The following ANKFN1 variants were observed in gnomAD, a reference collection of about 807,000 sequenced individuals.
The protein encoded by ANKFN1 is ankyrin repeat and fibronectin type-III domain-containing protein 1.
Under a neutral mutation model 108.7 loss-of-function variants are expected in ANKFN1, and 74 were observed. The observed-to-expected ratio is 0.68, with a 90% CI of 0.56 to 0.83. The LOEUF (loss-of-function observed/expected upper bound fraction) is 0.83, where lower values mean the gene tolerates loss of function less well. Among genes scored for constraint, ANKFN1 ranks in the 40% least tolerant of loss-of-function variants. The pLI is 0.00. For missense variants in ANKFN1, 1,505 were observed against 1,382.3 expected (o/e 1.09, Z -1.41); for synonymous variants, 547 against 516.2 (o/e 1.06, Z -0.81).
At chr17:56,148,814 C>T (rs1007884806), upstream of ANKFN1, among the ~76,000 whole-genome samples, 3 of 152,242 alleles carry the variant, frequency 2.0e-5, no homozygotes, top group Middle Eastern at 6.8e-3. Context: ...ATGCAAACAC[C>T]CTCTTATTTT....
intron 3 of ANKFN1, among the ~76,000 whole-genome samples, chr17:56,256,318 A>G (rs1169432195): frequency 2.0e-5 from 3 of 152,336 alleles, no homozygotes; most frequent in Middle Eastern, 3.4e-3. Flanking sequence ...AATAAGAACA[A>G]TGTAATATTT....
intron 3 of ANKFN1, among the ~76,000 whole-genome samples, chr17:56,263,383 G>T (rs948476671): frequency 6.6e-6 from 1 of 152,154 alleles, no homozygotes. Context: ...TGAAACTGGG[G>T]TTTAATGTAT....
rs1483468260 is a variant in ANKFN1 at position 56,051,597 on chromosome 17, G to T, written c.288+5272G>T. ...AATTAGGCAGGAGAAGGAAATAAAG[G>T]GTATTCAATTAGGAAAAGAGGAAGT... On this transcript the variant is annotated intron_variant, in intron 4 of 12. Coordinates refer to the ANKFN1 transcript ENST00000635860. 6.3e-5 allele frequency among the ~76,000 whole-genome samples: 9 copies of T among 141,736 alleles called. No individual in the cohort carries two copies. In the East Asian group the frequency reaches 1.2e-3, roughly 19 times the overall value. 93.0% of individuals were successfully genotyped at this position (141,736 alleles called of 152,430 possible). A position where few individuals can be genotyped will look rare whatever the true frequency, so the allele number is the denominator to read the frequency against.
At chr17:56,211,772 T>C (rs1239454241) in intron 1 of ANKFN1, among the ~76,000 whole-genome samples, 12 of 152,220 alleles carry the variant, frequency 7.9e-5, no homozygotes. Context: ...CATCCATGAT[T>C]TCTTGCTGCA....
intron 14 of ANKFN1, 133 bp from the exon 15 acceptor site, chr17:56,466,223 T>G: frequency 1.3e-6 from 1 of 763,776 alleles, no homozygotes; most frequent in Non-Finnish European, 2.1e-6. Flanking sequence ...ATTCTAGGTT[T>G]AAGTGCAAAA....
intron 2 of ANKFN1, chr17:56,215,768 G>A (rs1915379430): frequency 6.6e-6 from 1 of 152,144 alleles, no homozygotes; most frequent in Non-Finnish European, 1.5e-5. Flanking sequence ...TATAACATGG[G>A]GCACCATTTT....
At chr17:56,047,772 A>G (rs1904704916) in intron 4 of ANKFN1, among the ~76,000 whole-genome samples, 1 of 152,290 alleles carries the variant, frequency 6.6e-6, no homozygotes, top group Non-Finnish European at 1.5e-5. Context: ...GACAGGGCTC[A>G]ATGCTAGGGG....
intron 3 of ANKFN1, among the ~76,000 whole-genome samples, chr17:56,258,866 G>C (rs912747938): frequency 4.6e-5 from 7 of 152,088 alleles, no homozygotes; most frequent in African/African-American, 1.7e-4. Flanking sequence ...AGCCAAGATC[G>C]GGCCACTGCA....
chr17:56,439,830 G>A (rs1203880867), intron 8 of ANKFN1, among the ~76,000 whole-genome samples: 1 of 152,162 alleles, frequency 6.6e-6, no homozygotes, highest in Non-Finnish European at 1.5e-5. Context: ...AGAAGGTAAT[G>A]TCCTAGTGGA....
chr17:56,102,205 C>A (rs1905661216), intron 4 of ANKFN1, among the ~76,000 whole-genome samples: 1 of 152,206 alleles, frequency 6.6e-6, no homozygotes, highest in South Asian at 2.1e-4. Flanking sequence ...CCCTGCCCTG[C>A]AGTCAAAATC....
rs577449474 is a variant in ANKFN1 at position 56,304,662 on chromosome 17, C to CT, written c.54-21549dup. 5.9e-3 allele frequency among the ~76,000 whole-genome samples: 871 copies of CT among 148,288 alleles called. 1 individual carries two copies. The highest frequency in any genetic ancestry group is 8.4e-3 in the Non-Finnish European group (563 of 66,694). On this transcript the variant is annotated intron_variant, in intron 3 of 20. Coordinates refer to ENST00000682825, the MANE Select transcript of ANKFN1 (RefSeq NM_001370326.1). ...CAAACTCACCAACATTTGGTGTTTT[C>CT]TTTTTTTTTTATTTTAGTTATTCTG...
intron 3 of ANKFN1, among the ~76,000 whole-genome samples, chr17:56,261,252 T>A (rs2043502949): frequency 6.6e-6 from 1 of 152,218 alleles, no homozygotes. Context: ...TCTCATTTTC[T>A]TATTAATCAA....
intron 4 of ANKFN1, among the ~76,000 whole-genome samples, chr17:56,069,882 A>C (rs987208491): frequency 6.6e-6 from 1 of 152,222 alleles, no homozygotes; most frequent in African/African-American, 2.4e-5. Flanking sequence ...TTTCTTGATT[A>C]TATGCTACAT....
rs191330621 is a variant in ANKFN1 at position 56,352,396 on chromosome 17, G to A, written c.390+1429G>A. 2.0e-5 allele frequency among the ~76,000 whole-genome samples: 3 copies of A among 152,224 alleles called. No individual in the cohort carries two copies. In the East Asian group the frequency reaches 5.8e-4, roughly 29 times the overall value. Reference sequence around the variant, plus strand: ...CTGACCACCTGAACATTTGGTCACTGGAGATCTTCCACATGTTAATCAGGT... The same window carrying A: ...CTGACCACCTGAACATTTGGTCACTAGAGATCTTCCACATGTTAATCAGGT... On this transcript the variant is annotated intron_variant, in intron 5 of 20. Coordinates refer to ENST00000682825, the MANE Select transcript of ANKFN1 (RefSeq NM_001370326.1).
At chr17:56,209,628 T>C (rs150536083) in intron 1 of ANKFN1, among the ~76,000 whole-genome samples, 3 of 152,206 alleles carry the variant, frequency 2.0e-5, no homozygotes, top group Admixed American at 1.3e-4. Flanking sequence ...ATAAATAATA[T>C]CTTATATAAG....
intron 18 of ANKFN1, among the ~76,000 whole-genome samples, chr17:56,484,736 A>G (rs1387405160): frequency 6.6e-6 from 1 of 152,234 alleles, no homozygotes; most frequent in Admixed American, 6.5e-5. Context: ...TATATAATTG[A>G]CAGAGAAAAG....
At chr17:56,474,242 C>T (rs535432659) in intron 15 of ANKFN1, among the ~76,000 whole-genome samples, 1 of 152,300 alleles carries the variant, frequency 6.6e-6, no homozygotes, top group Admixed American at 6.5e-5. Flanking sequence ...TCACCATCTC[C>T]ATTATCTACA....
At chr17:56,393,282 C>T (rs2047491137) in intron 8 of ANKFN1, among the ~76,000 whole-genome samples, 1 of 152,152 alleles carries the variant, frequency 6.6e-6, no homozygotes, top group Non-Finnish European at 1.5e-5. Context: ...ATTCTTTAGA[C>T]ATGTTCTTTC....
intron 3 of ANKFN1, among the ~76,000 whole-genome samples, chr17:56,296,702 C>CA (rs763455572): frequency 6.6e-6 from 1 of 151,688 alleles, no homozygotes; most frequent in Non-Finnish European, 1.5e-5. Flanking sequence ...AACAAACAAA[C>CA]AACAACAACA....
Sources: gnomAD v4.1 joint callset for allele counts (sites outside exome capture counted in the v4.1 genomes callset) on GRCh38, gnomAD v4.1.1 for gene constraint, MANE v1.5 for transcripts, NCBI Gene and HGNC (gene_info 2026-07-23, HGNC 2026-07-21) for gene names.